NCKAP5: variants seen among roughly 807,000 people sequenced by gnomAD.
NCKAP5 encodes the protein nck-associated protein 5.
Under a neutral mutation model 167.0 loss-of-function variants are expected in NCKAP5, and 92 were observed. The observed-to-expected ratio is 0.55, with a 90% confidence interval of 0.47 to 0.66. The LOEUF is 0.66. NCKAP5 is among the 30% of genes least tolerant of loss of function. The probability of loss-of-function intolerance (pLI) is 0.00; values close to 1 mark genes in which losing one functional copy is unlikely to be tolerated. For missense variants in NCKAP5, 2,378 were observed against 2,315.0 expected (o/e 1.03, Z -0.56); for synonymous variants, 891 against 877.4 (o/e 1.02, Z -0.27).
chr2:133,625,033 A>C, the NCKAP5 span, among the ~76,000 whole-genome samples: 1 of 152,216 alleles, frequency 6.6e-6, no homozygotes, highest in Non-Finnish European at 1.5e-5. Flanking sequence ...TTAGCAGAAT[A>C]CAACCTAAGA....
the NCKAP5 span, among the ~76,000 whole-genome samples, chr2:133,636,231 T>C: frequency 6.6e-6 from 1 of 152,218 alleles, no homozygotes; most frequent in African/African-American, 2.4e-5. Flanking sequence ...ATGCAGAAGC[T>C]AGCCTACAGA....
At chr2:133,438,181 T>G (rs1432092061) in intron 3 of NCKAP5, among the ~76,000 whole-genome samples, 6 of 152,204 alleles carry the variant, frequency 3.9e-5, no homozygotes, top group African/African-American at 7.2e-5. Context: ...AGGACTCATA[T>G]TTCAGTGTGA....
intron 7 of NCKAP5, among the ~76,000 whole-genome samples, chr2:132,989,046 T>G (rs905496153): frequency 3.3e-5 from 5 of 152,146 alleles, no homozygotes; most frequent in Non-Finnish European, 7.4e-5. Context: ...TTAGCTAATG[T>G]GATTCAATTC....
intron 6 of NCKAP5, among the ~76,000 whole-genome samples, chr2:133,069,502 T>C (rs1003581879): frequency 6.6e-6 from 1 of 152,200 alleles, no homozygotes; most frequent in Non-Finnish European, 1.5e-5. Flanking sequence ...TGTTAGGCAA[T>C]TGAAATTACA....
At chr2:132,887,007 A>C (rs1305611498) in intron 8 of NCKAP5, among the ~76,000 whole-genome samples, 1 of 152,224 alleles carries the variant, frequency 6.6e-6, no homozygotes, top group Admixed American at 6.5e-5. Flanking sequence ...TTGGATAAAG[A>C]TACTCAATTT....
At chr2:133,446,745 C>T (rs1691219009) in intron 3 of NCKAP5, among the ~76,000 whole-genome samples, 2 of 152,232 alleles carry the variant, frequency 1.3e-5, no homozygotes, top group Middle Eastern at 3.4e-3. Context: ...CAAAGCTAAG[C>T]TTGCATGTCT....
intron 7 of NCKAP5, among the ~76,000 whole-genome samples, chr2:132,990,136 C>T (rs1172789423): frequency 1.3e-5 from 2 of 152,102 alleles, no homozygotes; most frequent in Non-Finnish European, 2.9e-5. Flanking sequence ...ATGTCCATTT[C>T]AAGAGACAAA....
intron 3 of NCKAP5, among the ~76,000 whole-genome samples, chr2:133,311,858 A>G (rs532248800): frequency 6.6e-6 from 1 of 152,318 alleles, no homozygotes; most frequent in Admixed American, 6.5e-5. Context: ...GAATATATAT[A>G]TTTAATCCTA....
chr2:133,632,397 T>A, the NCKAP5 span, among the ~76,000 whole-genome samples: 1 of 152,224 alleles, frequency 6.6e-6, no homozygotes, highest in East Asian at 1.9e-4. Context: ...ATAATTTAGG[T>A]GCAAATCTGT....
chr2:133,161,018 A>G (rs2083774261), intron 5 of NCKAP5, among the ~76,000 whole-genome samples: 1 of 152,152 alleles, frequency 6.6e-6, no homozygotes, highest in Non-Finnish European at 1.5e-5. Flanking sequence ...CAGCCAGCCA[A>G]GAGCAAGCAT....
chr2:132,891,657 GA>G (rs1379707003), intron 8 of NCKAP5, among the ~76,000 whole-genome samples: 1 of 152,140 alleles, frequency 6.6e-6, no homozygotes, highest in African/African-American at 2.4e-5. Context: ...GTGTGATTTG[GA>G]AAACCATTAT....
intron 3 of NCKAP5, among the ~76,000 whole-genome samples, chr2:133,318,705 C>T (rs1459565061): frequency 2.0e-5 from 3 of 152,158 alleles, no homozygotes; most frequent in African/African-American, 7.2e-5. Context: ...GTTGAAAGCC[C>T]TTGTGCCCAG....
intron 6 of NCKAP5, among the ~76,000 whole-genome samples, chr2:133,068,174 G>A (rs1368704603): frequency 3.3e-5 from 5 of 152,142 alleles, no homozygotes; most frequent in Non-Finnish European, 7.3e-5. Context: ...AACTTAGATA[G>A]AAGCTTAATG....
Position 132,825,417 on chromosome 2 carries a change from A to G in NCKAP5, c.808-28688T>C, listed in dbSNP as rs192218591. 1.1e-3 allele frequency among the ~76,000 whole-genome samples: 165 copies of G among 152,320 alleles called. 1 individual carries two copies. Among genetic ancestry groups the G allele is most frequent in the African/African-American group, 3.8e-3 (158 of 41,580 alleles). On this transcript the variant is annotated intron_variant, in intron 11 of 19. Transcript: ENST00000409261. ...AGGAAGACAAAAATCTGGAGGGGGA[A>G]GGGAGGTGACTAAGAGTTAAAACGT...
At chr2:132,703,888 C>G (rs1212427274) in intron 19 of NCKAP5, among the ~76,000 whole-genome samples, 1 of 152,166 alleles carries the variant, frequency 6.6e-6, no homozygotes, top group African/African-American at 2.4e-5. Flanking sequence ...TCCAGCACTG[C>G]TGACATACAT....
intron 5 of NCKAP5, among the ~76,000 whole-genome samples, chr2:133,161,875 A>G (rs1462409307): frequency 6.6e-6 from 1 of 152,208 alleles, no homozygotes; most frequent in African/African-American, 2.4e-5. Context: ...ATCTTCTCCT[A>G]TATAGGATCT....
At chr2:132,876,061 A>T (rs995304130) in intron 9 of NCKAP5, among the ~76,000 whole-genome samples, 4 of 152,160 alleles carry the variant, frequency 2.6e-5, no homozygotes, top group Non-Finnish European at 5.9e-5. Context: ...GAAAATAACC[A>T]TCAGTGCAAG....
chr2:132,869,003 T>A, intron 9 of NCKAP5, 29 bp from the exon 10 acceptor site: 1 of 1,498,604 alleles, frequency 6.7e-7, no homozygotes, highest in Non-Finnish European at 9.0e-7. Context: ...AAGTTGTCAT[T>A]TATAATAATG....
chr2:133,622,086 C>G, the NCKAP5 span, among the ~76,000 whole-genome samples: 1 of 152,008 alleles, frequency 6.6e-6, no homozygotes, highest in African/African-American at 2.4e-5. Context: ...ATGCAGCATC[C>G]CTTTATGATT....
Sources: gnomAD v4.1 joint callset for allele counts (sites outside exome capture counted in the v4.1 genomes callset) on GRCh38, gnomAD v4.1.1 for gene constraint, MANE v1.5 for transcripts, NCBI Gene and HGNC (gene_info 2026-07-23, HGNC 2026-07-21) for gene names.